ZNF41: variants seen among roughly 807,000 people sequenced by gnomAD.
ZNF41 encodes the protein zinc finger protein 41.
ZNF41 carries 6 observed loss-of-function variants against 9.3 expected under a neutral mutation model. The observed-to-expected ratio is 0.65, with a 90% CI of 0.35 to 1.28. ZNF41 has a LOEUF of 1.28. ZNF41 is among the 50% of genes most tolerant of loss of function. The pLI is 0.03. For synonymous variants in ZNF41, 192 were observed against 207.1 expected, an observed-to-expected ratio of 0.93 and a Z score of 0.63; for missense variants, 523 against 585.8, an observed-to-expected ratio of 0.89 and a Z score of 1.11.
At chrX:47,463,345 G>A (rs1015835045) in intron 2 of ZNF41, among the ~76,000 whole-genome samples, 1 of 110,542 alleles carries the variant, frequency 9.0e-6, no homozygotes, top group African/African-American at 3.3e-5. Flanking sequence ...TGGGTAGGGT[G>A]ACCAAGTGTC....
intron 2 of ZNF41, among the ~76,000 whole-genome samples, chrX:47,462,459 A>T (rs1443786545): frequency 9.3e-6 from 1 of 107,814 alleles, no homozygotes; most frequent in Non-Finnish European, 1.9e-5. Flanking sequence ...GCTTTCTTTG[A>T]CTCTACCTGG....
intron 4 of ZNF41, among the ~76,000 whole-genome samples, chrX:47,449,790 A>G (rs2056292094): frequency 8.9e-6 from 1 of 111,984 alleles, no homozygotes; most frequent in South Asian, 3.7e-4. Flanking sequence ...ACAGAGGCAC[A>G]GAGAAGTCAT....
Position 47,467,474 on chromosome X carries a change from G to A in ZNF41, c.8C>T (p.Ala3Val). Residue 3 changes from alanine to valine, a missense_variant, in exon 2 of 5, where the codon GCT becomes GTT. Transcript: ENST00000684689. ...GGACCATGGGGGAGAGTCCCCATTAGCTGCCATGTTCACGCTGGGCCTCAG... is the reference window on the plus strand; with the variant it reads ...GGACCATGGGGGAGAGTCCCCATTAACTGCCATGTTCACGCTGGGCCTCAG... Reference protein sequence around the residue: MAANGDSPPWSPA... With the variant: MAVNGDSPPWSPA... 1 of 1,185,940 alleles carries A rather than the reference G, an allele frequency of 8.4e-7. No individual in the cohort carries two copies. Among genetic ancestry groups the A allele is most frequent in the East Asian group, 3.0e-5 (1 of 32,837 alleles).
At chrX:47,467,212 C>A in intron 2 of ZNF41, 198 bp downstream of exon 2, 1 of 896,095 alleles carries the variant, frequency 1.1e-6, no homozygotes, top group South Asian at 2.4e-5. Flanking sequence ...CACTGAAACA[C>A]ACGGGGCTTT....
intron 2 of ZNF41, among the ~76,000 whole-genome samples, chrX:47,464,033 GT>G (rs61340045): frequency 0.046 from 5,136 of 111,505 alleles, 300 homozygotes; most frequent in African/African-American, 0.16. Flanking sequence ...CCTTGGATAT[GT>G]TTGCCTTTTC....
In ZNF41 at chrX:47,447,936, A is replaced by G. The variant is rs1329171692; in HGVS notation, c.1834T>C (p.Cys612Arg). ...TGEKPYVCPE[C>R]GKAFIQKSHF... The stretch of plus-strand genomic sequence containing the variant: ...GATTTCTGGATAAAGGCCTTCCCGC[A>G]TTCAGGACAAACGTACGGTTTCTCT... The change falls in exon 5 of 5, where the codon TGC becomes CGC. Residue 612 changes from cysteine to arginine, a missense_variant. Cys to Arg is a radical substitution (Grantham distance 180). Coordinates refer to ENST00000684689, the MANE Select transcript of ZNF41 (RefSeq NM_001324144.2). 1 of 1,211,846 alleles carries G rather than the reference A, an allele frequency of 8.3e-7. No homozygotes were observed. Among genetic ancestry groups the G allele is most frequent in the Non-Finnish European group, 1.1e-6 (1 of 895,582 alleles).
In ZNF41 at chrX:47,466,481, G is replaced by A. The variant is rs967767717; in HGVS notation, c.72+929C>T. On this transcript the variant is annotated intron_variant, in intron 2 of 4. Transcript: ENST00000684689. ...CTGGCTCCAGTCTAGTGTTGTCACC[G>A]CCAACTTGAGAGGCCTGGGCGAGTC... Among the ~76,000 whole-genome samples the A allele has an allele frequency of 3.6e-5, 4 of 111,140 alleles. No individual in the cohort carries two copies. In the East Asian group the frequency reaches 8.5e-4, roughly 24 times the overall value.
intron 4 of ZNF41, 140 bp from the exon 5 acceptor site, chrX:47,449,614 A>T: frequency 1.5e-6 from 1 of 666,738 alleles, no homozygotes; most frequent in Non-Finnish European, 2.2e-6. Flanking sequence ...GTAGCAACAC[A>T]ACATTCTTAT....
chrX:47,448,098 T>C lies in ZNF41; in HGVS notation c.1672A>G (p.Lys558Glu). 8.3e-7 allele frequency: 1 copy of C among 1,211,689 alleles called. No individual in the cohort carries two copies. Among genetic ancestry groups the C allele is most frequent in the South Asian group, 1.8e-5 (1 of 57,014 alleles). Residue 558 changes from lysine to glutamate, a missense_variant, in exon 5 of 5, where the codon AAA becomes GAA. Physicochemically the swap from Lys to Glu is moderately conservative, Grantham distance 56 (BLOSUM62 1). Coordinates refer to ENST00000684689, the MANE Select transcript of ZNF41 (RefSeq NM_001324144.2). ...EKPYKCNGCG[K>E]AFIWKSRLKI... ...AGGCGCGACTTCCATATGAAGGCTT[T>C]TCCACAGCCATTGCACTTATAGGGT...
At chrX:47,477,875 T>A (rs1036781732) in intron 1 of ZNF41, among the ~76,000 whole-genome samples, 1 of 112,620 alleles carries the variant, frequency 8.9e-6, no homozygotes. Flanking sequence ...AAAACATATG[T>A]CCATACAAAA....
intron 4 of ZNF41, among the ~76,000 whole-genome samples, chrX:47,450,028 C>T (rs973760930): frequency 9.0e-6 from 1 of 111,594 alleles, no homozygotes; most frequent in African/African-American, 3.3e-5. Context: ...GCTTTTCCCT[C>T]TATACCATTA....
chrX:47,478,968 T>C (rs952039140), intron 1 of ZNF41, among the ~76,000 whole-genome samples: 1 of 111,117 alleles, frequency 9.0e-6, no homozygotes, highest in Non-Finnish European at 1.9e-5. Flanking sequence ...AAAGACCACG[T>C]TTTATGATTC....
chrX:47,469,824 C>T (rs767810824), intron 1 of ZNF41, among the ~76,000 whole-genome samples: 11 of 109,689 alleles, frequency 1.0e-4, no homozygotes, highest in African/African-American at 3.0e-4. Flanking sequence ...GAGCCGAGAT[C>T]GTGCCACTGC....
chrX:47,472,079 T>C (rs2057207023), intron 1 of ZNF41, among the ~76,000 whole-genome samples: 1 of 111,394 alleles, frequency 9.0e-6, no homozygotes, highest in Admixed American at 9.6e-5. Flanking sequence ...TTTGAAAAAC[T>C]GTTTGGTAGT....
At chrX:47,449,586 C>A in intron 4 of ZNF41, 112 bp from the exon 5 acceptor site, 2 of 841,734 alleles carry the variant, frequency 2.4e-6, no homozygotes, top group Non-Finnish European at 3.4e-6. Flanking sequence ...GCCCATAGGA[C>A]AATATAGTAG....
chrX:47,448,348 T>C lies in ZNF41; in HGVS notation c.1422A>G (p.Lys474=). The change falls in exon 5 of 5, where the codon AAA becomes AAG. Residue 474 remains lysine, a synonymous_variant. Transcript: ENST00000684689. ...EKPYECSDCG[K]SFTKKSQLHV... ...GGAGTTGTGACTTCTTAGTGAAGGA[T>C]TTCCCACAGTCACTGCATTCATACG... The C allele has an allele frequency of 8.3e-7, 1 of 1,211,438 alleles. No individual in the cohort carries two copies. Among genetic ancestry groups the C allele is most frequent in the South Asian group, 1.8e-5 (1 of 56,976 alleles).
chrX:47,478,597 G>T (rs1653384208), intron 1 of ZNF41, among the ~76,000 whole-genome samples: 2 of 111,169 alleles, frequency 1.8e-5, no homozygotes, highest in African/African-American at 6.5e-5. Flanking sequence ...AAGGAATAAG[G>T]TCCTAATACA....
At chrX:47,467,266 G>A in intron 2 of ZNF41, 144 bp downstream of exon 2, 1 of 1,138,704 alleles carries the variant, frequency 8.8e-7, no homozygotes. Context: ...CTCAGCAAGA[G>A]GACCCTGATC....
chrX:47,449,270 T>C lies in ZNF41; in HGVS notation c.500A>G (p.Tyr167Cys), dbSNP rs1392830832. 2.5e-6 allele frequency: 3 copies of C among 1,209,667 alleles called. No homozygotes were observed. Among genetic ancestry groups the C allele is most frequent in the East Asian group, 3.0e-5 (1 of 33,777 alleles). ...TATTTTTTCAATGTTTTTATGTTCA[T>C]AGCCCCTCTCCTTAATCAATACTTT... is the stretch of plus-strand genomic sequence containing the variant. ...HVKVLIKERG[Y>C]EHKNIEKIIH... Residue 167 changes from tyrosine to cysteine, a missense_variant, in exon 5 of 5, where the codon TAT becomes TGT. Physicochemically the swap from Tyr to Cys is radical, Grantham distance 194. Coordinates refer to ENST00000684689, the MANE Select transcript of ZNF41 (RefSeq NM_001324144.2).
Sources: gnomAD v4.1 joint callset for allele counts (sites outside exome capture counted in the v4.1 genomes callset) on GRCh38, gnomAD v4.1.1 for gene constraint, MANE v1.5 for transcripts, NCBI Gene and HGNC (gene_info 2026-07-23, HGNC 2026-07-21) for gene names.